Variants in TRAPPC11 observed in about 807,000 individuals in gnomAD.
TRAPPC11 encodes the protein trafficking protein particle complex subunit 11.
TRAPPC11 carries 104 observed loss-of-function variants against 151.2 expected under a neutral mutation model. The ratio of observed to expected loss-of-function variants is 0.69; its 90% confidence interval spans 0.59 to 0.81. The LOEUF is 0.81. Among genes scored for constraint, TRAPPC11 ranks in the 30% least tolerant of loss-of-function variants. TRAPPC11 has a pLI of 0.00. For missense variants in TRAPPC11, 1,230 were observed against 1,349.6 expected, an observed-to-expected ratio of 0.91 and a Z score of 1.39; for synonymous variants, 456 against 472.3, an observed-to-expected ratio of 0.97 and a Z score of 0.45.
At chr4:183,704,840 T>C (rs1403231816) in intron 26 of TRAPPC11, 139 bp from the exon 27 acceptor site, 6 of 361,324 alleles carry the variant, frequency 1.7e-5, no homozygotes, top group African/African-American at 1.1e-4. Context: ...ATAATAATAA[T>C]AATATTTTGG....
intron 18 of TRAPPC11, among the ~76,000 whole-genome samples, chr4:183,689,928 C>T (rs189152387): frequency 0.019 from 2,899 of 152,014 alleles, 48 homozygotes; most frequent in Non-Finnish European, 0.027. Context: ...ACAGGCGGGG[C>T]GCAGTGGCTC....
At chr4:183,680,383 T>C in intron 10 of TRAPPC11, 116 bp downstream of exon 10, 1 of 1,142,752 alleles carries the variant, frequency 8.8e-7, no homozygotes, top group Non-Finnish European at 1.2e-6. Flanking sequence ...AATTAGTTTT[T>C]ATTTTTTATA....
At chr4:183,694,110 AC>A in intron 22 of TRAPPC11, 72 bp downstream of exon 22, 1 of 1,541,802 alleles carries the variant, frequency 6.5e-7, no homozygotes, top group Non-Finnish European at 8.9e-7. Context: ...TGAGTTTTTA[AC>A]AGTTCAGAGC....
chr4:183,675,026 C>T, intron 6 of TRAPPC11, 138 bp from the exon 7 acceptor site: 2 of 560,354 alleles, frequency 3.6e-6, no homozygotes, highest in Non-Finnish European at 5.9e-6. Context: ...TTAATTGTGC[C>T]TTTATTTGTG....
chr4:183,697,110 G>T, intron 23 of TRAPPC11, among the ~76,000 whole-genome samples: 1 of 152,122 alleles, frequency 6.6e-6, no homozygotes, highest in Non-Finnish European at 1.5e-5. Context: ...GATCACTTGA[G>T]GCTAGGAGTT....
At chr4:183,669,536 C>T (rs772768702) in intron 5 of TRAPPC11, among the ~76,000 whole-genome samples, 28 of 152,344 alleles carry the variant, frequency 1.8e-4, no homozygotes, top group Admixed American at 5.2e-4. Context: ...AAGGCTTCAA[C>T]GAAGCCTTCA....
intron 5 of TRAPPC11, among the ~76,000 whole-genome samples, chr4:183,672,357 A>G (rs1164489930): frequency 6.6e-6 from 1 of 152,030 alleles, no homozygotes; most frequent in African/African-American, 2.4e-5. Context: ...ATTTTTTTTT[A>G]TTGTAGAACA....
chr4:183,665,145 A>T (rs1364204099), intron 2 of TRAPPC11, among the ~76,000 whole-genome samples: 1 of 121,064 alleles, frequency 8.3e-6, no homozygotes, highest in Non-Finnish European at 1.6e-5. Context: ...CCGAGGCTGG[A>T]GTGCTGTGGC....
chr4:183,680,196 T>G lies in TRAPPC11; in HGVS notation c.1042T>G (p.Phe348Val). The change falls in exon 10 of 30, where the codon TTC becomes GTC. Residue 348 changes from phenylalanine to valine, a missense_variant. Phe to Val is a conservative substitution (Grantham distance 50). Coordinates refer to ENST00000334690, the MANE Select transcript of TRAPPC11 (RefSeq NM_021942.6). The part of the protein sequence containing the change: ...LTAIQTQNPG[F>V]YYQQAAYYAQ... ...AGCTATTCAAACTCAGAATCCTGGTTTCTATTACCAGCAGGCAGCATACTA... is the reference window on the plus strand; with the variant it reads ...AGCTATTCAAACTCAGAATCCTGGTGTCTATTACCAGCAGGCAGCATACTA... 1 of 1,614,078 alleles carries G rather than the reference T, an allele frequency of 6.2e-7. No homozygotes were observed. The highest frequency in any genetic ancestry group is 8.5e-7 in the Non-Finnish European group (1 of 1,179,986).
intron 10 of TRAPPC11, among the ~76,000 whole-genome samples, chr4:183,682,168 G>A (rs951302128): frequency 1.3e-5 from 2 of 152,194 alleles, no homozygotes; most frequent in African/African-American, 4.8e-5. Context: ...GTGGGAGTTG[G>A]TAGTAGGTTT....
At position 183,706,200 on chromosome 4, in the gene TRAPPC11, G is replaced by A. The variant is rs541564637; in HGVS notation, c.3056-607G>A. 3.9e-4 allele frequency among the ~76,000 whole-genome samples: 60 copies of A among 152,302 alleles called. 1 individual carries two copies. The highest frequency in any genetic ancestry group is 1.4e-3 in the African/African-American group (60 of 41,558). On this transcript the variant is annotated intron_variant, in intron 27 of 29. Transcript: ENST00000334690. ...TTATTCTAGTTTAGGAACCATGAGT[G>A]ATATTTTGGGAAACCTTTTATGGAT...
At chr4:183,685,009 T>C in intron 15 of TRAPPC11, 75 bp from the exon 16 acceptor site, 1 of 1,457,938 alleles carries the variant, frequency 6.9e-7, no homozygotes, top group East Asian at 2.3e-5. Context: ...TATATCAAGT[T>C]TCTAAAACAA....
chr4:183,708,379 TCTTTCTCTGTGA>T lies in TRAPPC11; in HGVS notation c.3190-23_3190-12del. ...TATTGCACATATGTGTATTTGATTA[TCTTTCTCTGTGA>T]CTTTTTATGATGCAGATTCGATTAC... On this transcript the variant is annotated splice_polypyrimidine_tract_variant and intron_variant, in intron 28 of 29. Coordinates refer to ENST00000334690, the MANE Select transcript of TRAPPC11 (RefSeq NM_021942.6). 6.2e-7 allele frequency: 1 copy of T among 1,603,288 alleles called. No individual in the cohort carries two copies. Among genetic ancestry groups the T allele is most frequent in the South Asian group, 1.1e-5 (1 of 90,214 alleles).
intron 25 of TRAPPC11, among the ~76,000 whole-genome samples, chr4:183,698,389 T>A (rs1019442864): frequency 1.2e-4 from 18 of 152,146 alleles, no homozygotes; most frequent in Admixed American, 9.2e-4. Context: ...CGGTTTTCTC[T>A]TGTGTGTTTG....
chr4:183,694,429 T>TAC (rs1736424772), intron 22 of TRAPPC11, among the ~76,000 whole-genome samples, 175 bp from the exon 23 acceptor site: 1 of 152,178 alleles, frequency 6.6e-6, no homozygotes, highest in Non-Finnish European at 1.5e-5. Flanking sequence ...GTAATCAGAG[T>TAC]ACTCTACTAC....
Position 183,706,803 on chromosome 4 carries a change from G to C in TRAPPC11, c.3056-4G>C. ...CAAGAGAAGTGTGTCATCTTTCTCTGTAGATCTGCCGTCATTTGGGCGTGT... is the reference window on the plus strand; with the variant it reads ...CAAGAGAAGTGTGTCATCTTTCTCTCTAGATCTGCCGTCATTTGGGCGTGT... On this transcript the variant is annotated splice_polypyrimidine_tract_variant and splice_region_variant and intron_variant, in intron 27 of 29. Transcript: ENST00000334690. The C allele has an allele frequency of 6.2e-7, 1 of 1,611,162 alleles. No homozygotes were observed. The highest frequency in any genetic ancestry group is 1.7e-5 in the Admixed American group (1 of 59,772).
chr4:183,706,489 C>G (rs1040269856), intron 27 of TRAPPC11, among the ~76,000 whole-genome samples: 1 of 151,104 alleles, frequency 6.6e-6, no homozygotes, highest in African/African-American at 2.4e-5. Flanking sequence ...CACCACTGCA[C>G]TCCAGCCTGG....
rs1388367500 is a variant in TRAPPC11, at chr4:183,677,545, A to T, written c.822A>T (p.Ile274=). The change falls in exon 8 of 30, where the codon ATA becomes ATT. Residue 274 remains isoleucine, a synonymous_variant. Transcript: ENST00000334690. ...AAATTAAGACTATGGCAGGATTTAT[A>T]AACTACAAGGTAATAATTCTGCTTC... The part of the protein sequence containing the change: ...ILEIKTMAGF[I]NYKICRLCFQ... The T allele has an allele frequency of 1.3e-6, 2 of 1,547,178 alleles. No individual in the cohort carries two copies. The highest frequency in any genetic ancestry group is 1.8e-6 in the Non-Finnish European group (2 of 1,119,790).
intron 18 of TRAPPC11, among the ~76,000 whole-genome samples, chr4:183,689,526 T>C (rs1388930752): frequency 1.3e-5 from 2 of 152,114 alleles, no homozygotes; most frequent in Non-Finnish European, 2.9e-5. Context: ...GTAAATTACC[T>C]GTTTTTCCTT....
Sources: gnomAD v4.1 joint callset for allele counts (sites outside exome capture counted in the v4.1 genomes callset) on GRCh38, gnomAD v4.1.1 for gene constraint, MANE v1.5 for transcripts, NCBI Gene and HGNC (gene_info 2026-07-23, HGNC 2026-07-21) for gene names.